NRG1: variants seen among roughly 807,000 people sequenced by gnomAD.
NRG1 encodes the protein pro-neuregulin-1, membrane-bound isoform.
Under a neutral mutation model 63.8 loss-of-function variants are expected in NRG1, and 18 were observed. The ratio of observed to expected loss-of-function variants is 0.28; its 90% CI spans 0.19 to 0.42. The LOEUF (loss-of-function observed/expected upper bound fraction) is 0.42, where lower values mean the gene tolerates loss of function less well. NRG1 is among the 10% of genes least tolerant of loss of function. The pLI, the probability that NRG1 is intolerant of heterozygous loss-of-function variation, is 1.00. For missense variants in NRG1, 762 were observed against 814.7 expected (o/e 0.94, Z 0.79); for synonymous variants, 302 against 301.3 (o/e 1.00, Z -0.02).
intron 1 of NRG1, among the ~76,000 whole-genome samples, chr8:31,774,324 T>G (rs1447609178): frequency 2.0e-5 from 3 of 152,190 alleles, no homozygotes; most frequent in Admixed American, 6.5e-5. Context: ...TTACCATGCT[T>G]TATTTTTCTT....
chr8:32,504,844 T>G (rs1178351329), intron 1 of NRG1, among the ~76,000 whole-genome samples: 1 of 152,182 alleles, frequency 6.6e-6, no homozygotes, highest in Non-Finnish European at 1.5e-5. Flanking sequence ...CATAATAATT[T>G]AATGTAGACA....
In NRG1 at chr8:32,430,863, C is replaced by T. The variant is rs1023475925; in HGVS notation, c.38-164965C>T. 6.7e-5 allele frequency among the ~76,000 whole-genome samples: 10 copies of T among 148,598 alleles called. No homozygotes were observed. The Admixed American group carries it at 6.8e-4, about 10-fold the overall frequency. On this transcript the variant is annotated intron_variant, in intron 1 of 10. Coordinates refer to the NRG1 transcript ENST00000519301. ...GTTTGTTAGTTTAAGCATTGTTCAA[C>T]ATTTATTTATTAAGCATTGACTTTA...
intron 1 of NRG1, among the ~76,000 whole-genome samples, chr8:32,465,728 A>G (rs1453748421): frequency 6.7e-6 from 1 of 149,182 alleles, no homozygotes; most frequent in Non-Finnish European, 1.5e-5. Context: ...GAAGAGAAGT[A>G]TTCAGGAAAT....
At chr8:31,999,767 G>A (rs570712802) in intron 1 of NRG1, among the ~76,000 whole-genome samples, 21 of 151,880 alleles carry the variant, frequency 1.4e-4, no homozygotes, top group African/African-American at 5.1e-4. Flanking sequence ...AAACAGATAT[G>A]TAAAAACTGT....
At chr8:32,207,902 G>C (rs148187696) in intron 1 of NRG1, among the ~76,000 whole-genome samples, 1 of 152,136 alleles carries the variant, frequency 6.6e-6, no homozygotes, top group African/African-American at 2.4e-5. Flanking sequence ...TTAAATAGCA[G>C]ACATTCTCAC....
At chr8:31,659,830 G>T (rs1157097573) in intron 1 of NRG1, among the ~76,000 whole-genome samples, 1 of 152,152 alleles carries the variant, frequency 6.6e-6, no homozygotes, top group Non-Finnish European at 1.5e-5. Context: ...CAATCTTTTT[G>T]TAGCTACCAA....
chr8:31,793,487 C>A (rs1820909258), intron 1 of NRG1, among the ~76,000 whole-genome samples: 1 of 152,090 alleles, frequency 6.6e-6, no homozygotes, highest in Non-Finnish European at 1.5e-5. Context: ...TGACTACATT[C>A]AAGATAAAAA....
intron 1 of NRG1, among the ~76,000 whole-genome samples, chr8:32,379,612 T>G (rs1358529755): frequency 6.6e-6 from 1 of 152,222 alleles, no homozygotes; most frequent in African/African-American, 2.4e-5. Context: ...TGCCATCCAT[T>G]GTGTCAGATC....
At chr8:31,991,221 T>C (rs1811008907) in intron 1 of NRG1, among the ~76,000 whole-genome samples, 1 of 152,024 alleles carries the variant, frequency 6.6e-6, no homozygotes, top group South Asian at 2.1e-4. Flanking sequence ...AAAGTCCCCC[T>C]CCTACCTCCA....
intron 5 of NRG1, among the ~76,000 whole-genome samples, chr8:32,701,352 G>T (rs1034826053): frequency 6.6e-6 from 1 of 152,076 alleles, no homozygotes; most frequent in African/African-American, 2.4e-5. Context: ...TTCATTCCAT[G>T]TGTTGAAATC....
chr8:32,147,585 A>G (rs530579327), intron 1 of NRG1, among the ~76,000 whole-genome samples: 2 of 152,214 alleles, frequency 1.3e-5, no homozygotes, highest in African/African-American at 4.8e-5. Flanking sequence ...TATTATCCCT[A>G]TCCCCTAATT....
At chr8:32,746,466 T>A (rs1488642332) in intron 7 of NRG1, among the ~76,000 whole-genome samples, 1 of 152,170 alleles carries the variant, frequency 6.6e-6, no homozygotes, top group Non-Finnish European at 1.5e-5. Flanking sequence ...CATGGATATA[T>A]AATTTTTGTA....
chr8:32,546,560 C>T (rs1833093974), upstream of NRG1, among the ~76,000 whole-genome samples: 1 of 152,176 alleles, frequency 6.6e-6, no homozygotes, highest in African/African-American at 2.4e-5. Flanking sequence ...AGTGTTCAGA[C>T]TCCATCTTGC....
intron 1 of NRG1, among the ~76,000 whole-genome samples, chr8:31,944,913 C>T (rs978058301): frequency 1.3e-5 from 2 of 152,142 alleles, no homozygotes; most frequent in Non-Finnish European, 2.9e-5. Flanking sequence ...ACCGCATTTC[C>T]CAATGTGTCA....
intron 1 of NRG1, among the ~76,000 whole-genome samples, chr8:31,693,377 A>G (rs1021139401): frequency 9.9e-5 from 15 of 152,180 alleles, no homozygotes; most frequent in Non-Finnish European, 1.5e-4. Flanking sequence ...TAACATTTAC[A>G]TTTCCAATTA....
intron 5 of NRG1, among the ~76,000 whole-genome samples, chr8:32,689,719 A>G (rs1811096285): frequency 1.3e-5 from 2 of 152,186 alleles, no homozygotes; most frequent in African/African-American, 4.8e-5. Flanking sequence ...ATATTTATAC[A>G]TATGAAATAT....
intron 1 of NRG1, among the ~76,000 whole-genome samples, chr8:32,517,507 G>C (rs1829944744): frequency 6.6e-6 from 1 of 152,136 alleles, no homozygotes. Context: ...GAAAACAAAA[G>C]AGGTGTTTAT....
At chr8:31,864,500 G>A (rs973212016) in intron 1 of NRG1, among the ~76,000 whole-genome samples, 4 of 152,180 alleles carry the variant, frequency 2.6e-5, no homozygotes, top group African/African-American at 9.7e-5. Flanking sequence ...AGGAGGGAAA[G>A]GAGTTTGCCA....
At chr8:31,743,590 G>A (rs1173333677) in intron 1 of NRG1, among the ~76,000 whole-genome samples, 1 of 151,682 alleles carries the variant, frequency 6.6e-6, no homozygotes, top group Non-Finnish European at 1.5e-5. Flanking sequence ...GTGTGTGTGG[G>A]TGTGTGTGTG....
Sources: gnomAD v4.1 joint callset for allele counts (sites outside exome capture counted in the v4.1 genomes callset) on GRCh38, gnomAD v4.1.1 for gene constraint, MANE v1.5 for transcripts, NCBI Gene and HGNC (gene_info 2026-07-23, HGNC 2026-07-21) for gene names.